Variants in ARMCX6 observed in about 807,000 individuals in gnomAD.
ARMCX6 encodes the protein armadillo repeat containing X-linked 6, also known as protein ARMCX6.
For synonymous variants in ARMCX6, 85 were observed against 70.3 expected, an observed-to-expected ratio of 1.21 and a Z score of -1.05; for missense variants, 194 against 186.0, an observed-to-expected ratio of 1.04 and a Z score of -0.25.
rs782604853 is a variant in ARMCX6, at chrX:101,616,402, C to G, written c.219G>C (p.Gly73=). 3 of 1,211,698 alleles carry G rather than the reference C, an allele frequency of 2.5e-6. No homozygotes were observed. The highest frequency in any genetic ancestry group is 3.4e-6 in the Non-Finnish European group (3 of 895,508). The change falls in exon 3 of 3, where the codon GGG becomes GGC. Residue 73 remains glycine (G), a synonymous_variant. Transcript: ENST00000361910. ...CTGGGGCCCCAGGTTCAGTCCAATC[C>G]CCATCCTCAGTCCAGGGCCGAGCCA... ...ETMARPWTED[G]DWTEPGAPGG... is the part of the protein sequence containing the mutation.
rs782332594 is a variant in ARMCX6, at chrX:101,616,614, G to A, written c.7C>T (p.Arg3Trp). 25 of 1,205,428 alleles carry A rather than the reference G, an allele frequency of 2.1e-5. No individual in the cohort carries two copies. In the East Asian group the frequency reaches 4.7e-4, roughly 23 times the overall value. ...GCCATCCAACCCACTTCCCGAGCCCGGCCCATGCTCAAGTCTGTGCCAGCC... is the reference window on the plus strand; with the variant it reads ...GCCATCCAACCCACTTCCCGAGCCCAGCCCATGCTCAAGTCTGTGCCAGCC... MG[R>W]AREVGWMAAG... The change falls in exon 3 of 3, where the codon CGG becomes TGG. Residue 3 changes from arginine (R) to tryptophan (W), a missense_variant. Coordinates refer to ENST00000361910, the MANE Select transcript of ARMCX6 (RefSeq NM_019007.4).
rs782027983 is a variant in ARMCX6, at chrX:101,616,643, G to A, written c.-23C>T. The A allele has an allele frequency of 4.2e-6, 5 of 1,195,348 alleles. No homozygotes were observed. Among genetic ancestry groups the A allele is most frequent in the Non-Finnish European group, 5.6e-6 (5 of 885,571 alleles). On this transcript the variant is annotated 5_prime_UTR_variant, in exon 3 of 3. Transcript: ENST00000361910. ...CATGCTCAAGTCTGTGCCAGCCTTGGGGCAGGACAGGAGAGGGCCTTGCTC... is the reference window on the plus strand; with the variant it reads ...CATGCTCAAGTCTGTGCCAGCCTTGAGGCAGGACAGGAGAGGGCCTTGCTC...
Position 101,616,772 on chromosome X carries a change from G to A in ARMCX6, c.-146-6C>T. The A allele has an allele frequency of 9.8e-7, 1 of 1,016,415 alleles. No individual in the cohort carries two copies. The highest frequency in any genetic ancestry group is 1.3e-6 in the Non-Finnish European group (1 of 773,910). 83.8% of individuals were successfully genotyped at this position (1,016,415 alleles called of 1,213,427 possible). A position where few individuals can be genotyped will look rare whatever the true frequency, so the allele number is the denominator to read the frequency against. ...GTAGCTCTCTTGTGATGAATCTGTG[G>A]GTGAAACAGAGTATTAGGGCTCGGG... On this transcript the variant is annotated splice_polypyrimidine_tract_variant and splice_region_variant and intron_variant, in intron 2 of 2. Coordinates refer to ENST00000361910, the MANE Select transcript of ARMCX6 (RefSeq NM_019007.4).
chrX:101,616,658 G>A lies in ARMCX6; in HGVS notation c.-38C>T. 8.5e-7 allele frequency: 1 copy of A among 1,183,426 alleles called. No homozygotes were observed. The highest frequency in any genetic ancestry group is 1.1e-6 in the Non-Finnish European group (1 of 879,358). The stretch of plus-strand genomic sequence containing the variant: ...GCCAGCCTTGGGGCAGGACAGGAGA[G>A]GGCCTTGCTCCACCTGATTGAAGAG... On this transcript the variant is annotated 5_prime_UTR_variant, in exon 3 of 3. Transcript: ENST00000361910.
Position 101,615,997 on chromosome X carries a change from A to G in ARMCX6, c.624T>C (p.Arg208=). ...INEVCRETVS[R]CCNSFLQQAG... ...CCTGCTGCAGAAATGAGTTGCAGCA[A>G]CGTGACACAGTCTCCCGACACACTT... The change falls in exon 3 of 3, where the codon CGT becomes CGC. Residue 208 remains arginine (R), a synonymous_variant. Coordinates refer to ENST00000361910, the MANE Select transcript of ARMCX6 (RefSeq NM_019007.4). 1.3e-6 allele frequency: 1 copy of G among 743,245 alleles called. No homozygotes were observed. The highest frequency in any genetic ancestry group is 1.9e-6 in the Non-Finnish European group (1 of 536,167). 61.3% of individuals were successfully genotyped at this position (743,245 alleles called of 1,213,427 possible). A position where few individuals can be genotyped will look rare whatever the true frequency, so the allele number is the denominator to read the frequency against.
rs368876483 is a variant in ARMCX6, at chrX:101,616,078, C to T, written c.543G>A (p.Pro181=). The change falls in exon 3 of 3, where the codon CCG becomes CCA. Residue 181 remains proline (P), a synonymous_variant. Coordinates refer to ENST00000361910, the MANE Select transcript of ARMCX6 (RefSeq NM_019007.4). The part of the protein sequence containing the change: ...DPTVREALCA[P]DNLNASIESQ... ...TTTCAATACTCGCATTTAAGTTATC[C>T]GGGGCACACAAAGCCTCTCTAACAG... The T allele has an allele frequency of 1.6e-4, 175 of 1,123,848 alleles. No individual in the cohort carries two copies. The highest frequency in any genetic ancestry group is 9.9e-4 in the African/African-American group (46 of 46,266). The allele number at this position is 1,123,848 out of a possible 1,213,427, so 92.6% of individuals were successfully genotyped here.
At chrX:101,617,790 G>GACCC (rs2147761290) in intron 1 of ARMCX6, 95 bp downstream of exon 1, 1 of 111,082 alleles carries the variant, frequency 9.0e-6, no homozygotes, top group East Asian at 2.9e-4. Context: ...GCGAGAAAGG[G>GACCC]ACCCAGCTGT....
Position 101,616,602 on chromosome X carries a change from C to G in ARMCX6, c.19G>C (p.Val7Leu), listed in dbSNP as rs1935818500. ...ATCAGTCCTGCCGCCATCCAACCCA[C>G]TTCCCGAGCCCGGCCCATGCTCAAG... MGRAREVGWMAAGLMIG... is the reference protein window; with the variant it reads MGRARELGWMAAGLMIG... Residue 7 changes from valine (V) to leucine (L), a missense_variant, in exon 3 of 3, where the codon GTG becomes CTG. Physicochemically the swap from Val to Leu is conservative, Grantham distance 32. Coordinates refer to ENST00000361910, the MANE Select transcript of ARMCX6 (RefSeq NM_019007.4). The G allele has an allele frequency of 4.1e-6, 5 of 1,209,266 alleles. No individual in the cohort carries two copies. In the East Asian group the frequency reaches 1.5e-4, roughly 36 times the overall value.
chrX:101,616,052 C>G lies in ARMCX6; in HGVS notation c.569G>C (p.Ser190Thr). The change falls in exon 3 of 3, where the codon AGT becomes ACT. Residue 190 changes from serine (S) to threonine (T), a missense_variant. Ser to Thr is a moderately conservative substitution (Grantham distance 58). Transcript: ENST00000361910. ...APDNLNASIE[S>T]QGQIKMYINE... ...GATGTACATCTTAATCTGGCCCTGA[C>G]TTTCAATACTCGCATTTAAGTTATC... The G allele has an allele frequency of 9.4e-6, 10 of 1,069,137 alleles. No homozygotes were observed. Among genetic ancestry groups the G allele is most frequent in the Non-Finnish European group, 1.2e-5 (10 of 802,461 alleles). 88.1% of individuals were successfully genotyped at this position (1,069,137 alleles called of 1,213,427 possible). A position where few individuals can be genotyped will look rare whatever the true frequency, so the allele number is the denominator to read the frequency against.
At position 101,616,504 on chromosome X, in the gene ARMCX6, C is replaced by G. The variant is rs868947606; in HGVS notation, c.117G>C (p.Glu39Asp). Residue 39 changes from glutamate (E) to aspartate (D), a missense_variant, in exon 3 of 3, where the codon GAG (glutamate) becomes GAC (aspartate). Glu to Asp is a conservative substitution (Grantham distance 45, BLOSUM62 2). Coordinates refer to ENST00000361910, the MANE Select transcript of ARMCX6 (RefSeq NM_019007.4). The part of the protein sequence containing the change: ...IGRDDSEKLE[E>D]EGEEEWDDDQ... ...CATCGTCCCACTCCTCTTCCCCCTC[C>G]TCCTCCAGCTTCTCACTGTCATCTC... 1.9e-5 allele frequency: 23 copies of G among 1,211,945 alleles called. No individual in the cohort carries two copies. Among genetic ancestry groups the G allele is most frequent in the Middle Eastern group, 4.6e-4 (2 of 4,355 alleles).
In ARMCX6 at chrX:101,616,380, G is replaced by T. The variant is rs1422888857; in HGVS notation, c.241C>A (p.Pro81Thr). 3 of 1,209,169 alleles carry T rather than the reference G, an allele frequency of 2.5e-6. No homozygotes were observed. Among genetic ancestry groups the T allele is most frequent in the African/African-American group, 3.5e-5 (2 of 56,828 alleles). ...EDGDWTEPGA[P>T]GGTEDRPSGG... ...GAGGGCCTGTCCTCAGTGCCACCTG[G>T]GGCCCCAGGTTCAGTCCAATCCCCA... The change falls in exon 3 of 3, where the codon CCA becomes ACA. Residue 81 changes from proline (P) to threonine (T), a missense_variant. Physicochemically the swap from Pro to Thr is conservative, Grantham distance 38. Coordinates refer to ENST00000361910, the MANE Select transcript of ARMCX6 (RefSeq NM_019007.4).
Position 101,616,583 on chromosome X carries a change from C to T in ARMCX6, c.38G>A (p.Gly13Glu). 3 of 1,211,133 alleles carry T rather than the reference C, an allele frequency of 2.5e-6. No homozygotes were observed. Among genetic ancestry groups the T allele is most frequent in the Non-Finnish European group, 3.4e-6 (3 of 894,759 alleles). Residue 13 changes from glycine (G) to glutamate (E), a missense_variant, in exon 3 of 3, where the codon GGA (glycine) becomes GAA (glutamate). Physicochemically the swap from Gly to Glu is moderately conservative, Grantham distance 98. Transcript: ENST00000361910. The part of the protein sequence containing the change: ...RAREVGWMAA[G>E]LMIGAGACYC... ...GCAGGCACCAGCCCCAATCATCAGT[C>T]CTGCCGCCATCCAACCCACTTCCCG...
In ARMCX6 at chrX:101,617,874, C is replaced by T. The variant is rs1471742701; in HGVS notation, c.-229+11G>A. 2.7e-5 allele frequency: 3 copies of T among 111,695 alleles called. No individual in the cohort carries two copies. Among genetic ancestry groups the T allele is most frequent in the Non-Finnish European group, 5.6e-5 (3 of 53,119 alleles). The allele number at this position is 111,695 out of a possible 1,213,427, so 9.2% of individuals were successfully genotyped here. A position where few individuals can be genotyped will look rare whatever the true frequency, so the allele number is the denominator to read the frequency against. On this transcript the variant is annotated intron_variant, in intron 1 of 2. Transcript: ENST00000361910. ...TACCTCCTCTCAAGCAGCGCCCACC[C>T]TCGCACCGACCTGCACGGTCCGAGC...
intron 2 of ARMCX6, 50 bp from the exon 3 acceptor site, chrX:101,616,816 C>A (rs991139188): frequency 2.9e-6 from 2 of 700,387 alleles, no homozygotes; most frequent in African/African-American, 4.4e-5. Flanking sequence ...TGGCTTTGTG[C>A]CTCACAGACA....
rs782162691 is a variant in ARMCX6 at position 101,617,684 on chromosome X, A to T, written c.-228-100T>A. The stretch of plus-strand genomic sequence containing the variant: ...TTTTCTCGGAGTCTCTGGAAACGCC[A>T]TTCACTCCCCTCACCCCCACCCGAA... On this transcript the variant is annotated intron_variant, in intron 1 of 2. Transcript: ENST00000361910. 1.4e-3 allele frequency: 151 copies of T among 109,817 alleles called. 2 individuals are homozygous for T. In the South Asian group the frequency reaches 0.06, roughly 44 times the overall value. 9.1% of individuals were successfully genotyped at this position (109,817 alleles called of 1,213,427 possible). A position where few individuals can be genotyped will look rare whatever the true frequency, so the allele number is the denominator to read the frequency against.
Position 101,616,673 on chromosome X carries a change from T to A in ARMCX6, c.-53A>T. ...GGACAGGAGAGGGCCTTGCTCCACC[T>A]GATTGAAGAGGTCTCTCAGGTCCAG... On this transcript the variant is annotated 5_prime_UTR_variant, in exon 3 of 3. Coordinates refer to ENST00000361910, the MANE Select transcript of ARMCX6 (RefSeq NM_019007.4). 1 of 1,167,559 alleles carries A rather than the reference T, an allele frequency of 8.6e-7. No homozygotes were observed. Among genetic ancestry groups the A allele is most frequent in the Non-Finnish European group, 1.1e-6 (1 of 872,389 alleles).
Position 101,616,440 on chromosome X carries a change from C to T in ARMCX6, c.181G>A (p.Asp61Asn), listed in dbSNP as rs781921761. ...LDEEEPDIWF[D>N]FETMARPWTE... The stretch of plus-strand genomic sequence containing the variant: ...CAGGGCCGAGCCATAGTTTCAAAAT[C>T]AAACCAAATATCAGGCTCCTCCTCA... The change falls in exon 3 of 3, where the codon GAT (aspartate) becomes AAT (asparagine). Residue 61 changes from aspartate (D) to asparagine (N), a missense_variant. Asp to Asn is a conservative substitution (Grantham distance 23). Coordinates refer to ENST00000361910, the MANE Select transcript of ARMCX6 (RefSeq NM_019007.4). 8.3e-7 allele frequency: 1 copy of T among 1,211,661 alleles called. No homozygotes were observed. Among genetic ancestry groups the T allele is most frequent in the Non-Finnish European group, 1.1e-6 (1 of 895,475 alleles).
At chrX:101,617,420 C>G (rs1935839373) in intron 2 of ARMCX6, 83 bp downstream of exon 2, 1 of 110,904 alleles carries the variant, frequency 9.0e-6, no homozygotes, top group African/African-American at 3.3e-5. Flanking sequence ...GAGGGCGACT[C>G]GGACCTGGCC....
chrX:101,616,740 G>T lies in ARMCX6; in HGVS notation c.-120C>A. ...GGGTAGCAGTCTTCAGCTTCTTCCA[G>T]GCTCTTGTAGCTCTCTTGTGATGAA... On this transcript the variant is annotated 5_prime_UTR_variant, in exon 3 of 3. The change creates a new upstream start codon in the 5' untranslated region. Coordinates refer to ENST00000361910, the MANE Select transcript of ARMCX6 (RefSeq NM_019007.4). The T allele has an allele frequency of 9.3e-7, 1 of 1,080,438 alleles. No homozygotes were observed. Among genetic ancestry groups the T allele is most frequent in the Non-Finnish European group, 1.2e-6 (1 of 825,001 alleles). 89.0% of individuals were successfully genotyped at this position (1,080,438 alleles called of 1,213,427 possible). A position where few individuals can be genotyped will look rare whatever the true frequency, so the allele number is the denominator to read the frequency against.
Sources: allele counts gnomAD v4.1 joint callset, GRCh38; gene constraint gnomAD v4.1.1; transcripts MANE v1.5; gene names NCBI Gene and HGNC (gene_info 2026-07-23, HGNC 2026-07-21).